C1orf87: variants seen among roughly 807,000 people sequenced by gnomAD.
C1orf87 encodes the protein chromosome 1 open reading frame 87, also known as uncharacterized protein C1orf87.
Under a neutral mutation model 60.5 loss-of-function variants are expected in C1orf87, and 58 were observed. That is an observed-to-expected ratio of 0.96 (90% CI 0.78 to 1.19). C1orf87 has a LOEUF of 1.19. Ranked by LOEUF, C1orf87 falls within the 50% of genes most tolerant of loss-of-function variation. C1orf87 has a pLI of 0.00. For synonymous variants in C1orf87, 236 were observed against 227.4 expected, an observed-to-expected ratio of 1.04 and a Z score of -0.34; for missense variants, 673 against 638.6, an observed-to-expected ratio of 1.05 and a Z score of -0.58.
At chr1:60,023,986 T>A (rs866295591) in intron 8 of C1orf87, among the ~76,000 whole-genome samples, 3 of 152,232 alleles carry the variant, frequency 2.0e-5, no homozygotes, top group South Asian at 2.1e-4. Context: ...GGATCTTTTT[T>A]AATCTTCCTT....
At chr1:60,014,916 T>A (rs532363533) in intron 8 of C1orf87, among the ~76,000 whole-genome samples, 2 of 152,200 alleles carry the variant, frequency 1.3e-5, no homozygotes, top group Non-Finnish European at 2.9e-5. Flanking sequence ...AAGAGTTAGC[T>A]CTGTTCAGAC....
intron 3 of C1orf87, among the ~76,000 whole-genome samples, chr1:60,044,885 A>G (rs758465874): frequency 5.3e-5 from 8 of 152,336 alleles, no homozygotes; most frequent in African/African-American, 1.2e-4. Context: ...AGTGACTTCA[A>G]TCAATCCTAG....
chr1:60,036,115 T>C, intron 6 of C1orf87, among the ~76,000 whole-genome samples: 1 of 152,180 alleles, frequency 6.6e-6, no homozygotes, highest in East Asian at 1.9e-4. Flanking sequence ...AGTAAGACAG[T>C]TGCTCCCAGA....
intron 7 of C1orf87, among the ~76,000 whole-genome samples, chr1:60,028,484 G>A (rs957040049): frequency 6.6e-6 from 1 of 152,076 alleles, no homozygotes; most frequent in South Asian, 2.1e-4. Context: ...TATTCATAAT[G>A]ATGACCCTTG....
chr1:60,010,891 TAAATAAATAAATAAATAAATAA>T (rs1645079261), intron 8 of C1orf87: 1 of 144,784 alleles, frequency 6.9e-6, no homozygotes, highest in African/African-American at 2.5e-5. Flanking sequence ...AATAAATAAA[TAAATAAATAAATAAATAAATAA>T]AAACTGTCTC....
chr1:60,029,264 T>C (rs1343829316), intron 7 of C1orf87, among the ~76,000 whole-genome samples: 1 of 152,222 alleles, frequency 6.6e-6, no homozygotes, highest in East Asian at 1.9e-4. Context: ...CCATCCCTCC[T>C]GTTACTGCCT....
In C1orf87 at chr1:60,040,270, A is replaced by G. The variant is rs1645312693; in HGVS notation, c.484-90T>C. 5 of 1,490,304 alleles carry G rather than the reference A, an allele frequency of 3.4e-6. No individual in the cohort carries two copies. The South Asian group carries it at 4.0e-5, about 12-fold the overall frequency. 92.3% of individuals were successfully genotyped at this position (1,490,304 alleles called of 1,614,324 possible). A position where few individuals can be genotyped will look rare whatever the true frequency, so the allele number is the denominator to read the frequency against. On this transcript the variant is annotated intron_variant, in intron 4 of 11. Transcript: ENST00000371201. ...GAAGCAGAGGCACACTGGGGCTGGT[A>G]TCTGAGTGTCCACTCGCAGTCCTGG...
At position 60,039,929 on chromosome 1, in the gene C1orf87, A is replaced by G. The variant is rs1346612746; in HGVS notation, c.735T>C (p.Gly245=). 1.2e-6 allele frequency: 2 copies of G among 1,613,542 alleles called. No individual in the cohort carries two copies. Among genetic ancestry groups the G allele is most frequent in the South Asian group, 1.1e-5 (1 of 90,914 alleles). The change falls in exon 5 of 12, where the codon GGT becomes GGC. Residue 245 remains glycine, a synonymous_variant. Transcript: ENST00000371201. ...KILCQRFSKR[G]SPEMVNYEKL... ...ACAATTGCCATACCATTTCAGGAGA[A>G]CCCCTCTTAGAAAATCTCTGACAAA...
intron 5 of C1orf87, among the ~76,000 whole-genome samples, chr1:60,039,297 A>AT (rs1445588559): frequency 6.6e-6 from 1 of 152,040 alleles, no homozygotes; most frequent in Non-Finnish European, 1.5e-5. Flanking sequence ...ATTTCAGGGT[A>AT]TTTTCCTCTG....
intron 9 of C1orf87, among the ~76,000 whole-genome samples, chr1:60,008,406 G>A (rs1020057118): frequency 6.6e-6 from 1 of 151,906 alleles, no homozygotes; most frequent in African/African-American, 2.4e-5. Context: ...TATTCCATAT[G>A]CTATGGTCTT....
intron 7 of C1orf87, among the ~76,000 whole-genome samples, chr1:60,032,175 C>T (rs534540692): frequency 3.3e-4 from 51 of 152,290 alleles, no homozygotes; most frequent in African/African-American, 1.2e-3. Flanking sequence ...CAATTCCAAC[C>T]TCTGTATACC....
intron 8 of C1orf87, among the ~76,000 whole-genome samples, chr1:60,011,259 G>GCA (rs2100257948): frequency 6.6e-6 from 1 of 152,088 alleles, no homozygotes; most frequent in Admixed American, 6.6e-5. Context: ...TGCTTGCCCA[G>GCA]CATCCACCTT....
At chr1:59,997,517 C>A (rs1326708878) in intron 11 of C1orf87, 92 bp downstream of exon 11, 8 of 1,128,964 alleles carry the variant, frequency 7.1e-6, no homozygotes, top group East Asian at 2.4e-5. Flanking sequence ...TTAATTGTAT[C>A]ATTTGTTCAA....
intron 3 of C1orf87, among the ~76,000 whole-genome samples, chr1:60,046,121 C>T (rs1645366187): frequency 6.8e-6 from 1 of 146,708 alleles, no homozygotes. Context: ...TCCTCTTTTC[C>T]TTACATCTTT....
rs139412338 is a variant in C1orf87 at position 59,990,728 on chromosome 1, C to T, written c.1586G>A (p.Arg529His). 45 of 1,614,030 alleles carry T rather than the reference C, an allele frequency of 2.8e-5. No individual in the cohort carries two copies. The highest frequency in any genetic ancestry group is 1.3e-4 in the African/African-American group (10 of 75,026). ...CTCCAAGAGCATATTTTCTCCCGAA[C>T]GGAATCTGCGCAAGGCCTGGTCGAT... ...QKIDQALRRF[R>H]SGENMLLEPA... Residue 529 changes from arginine to histidine, a missense_variant, in exon 12 of 12, where the codon CGT (arginine) becomes CAT (histidine). Coordinates refer to ENST00000371201, the MANE Select transcript of C1orf87 (RefSeq NM_152377.3).
At chr1:60,040,347 A>T (rs1441276468) in intron 4 of C1orf87, among the ~76,000 whole-genome samples, 167 bp from the exon 5 acceptor site, 1 of 152,226 alleles carries the variant, frequency 6.6e-6, no homozygotes, top group East Asian at 1.9e-4. Context: ...AATCTGGTGT[A>T]TTCATTATTT....
At chr1:60,059,576 T>TAGCA (rs1645480999) in intron 2 of C1orf87, among the ~76,000 whole-genome samples, 1 of 152,168 alleles carries the variant, frequency 6.6e-6, no homozygotes, top group Non-Finnish European at 1.5e-5. Context: ...AGGCGTCTAG[T>TAGCA]AGCATCCTCT....
intron 3 of C1orf87, among the ~76,000 whole-genome samples, chr1:60,045,751 C>T (rs545244665): frequency 6.6e-6 from 1 of 152,228 alleles, no homozygotes; most frequent in East Asian, 1.9e-4. Flanking sequence ...TTATTGAGAC[C>T]CACGCCAGAC....
Position 60,030,368 on chromosome 1 carries a change from C to A in C1orf87, c.1029+3108G>T, listed in dbSNP as rs540642643. 2.2e-3 allele frequency among the ~76,000 whole-genome samples: 339 copies of A among 152,290 alleles called. 1 individual carries two copies. The highest frequency in any genetic ancestry group is 7.7e-3 in the African/African-American group (320 of 41,568). On this transcript the variant is annotated intron_variant, in intron 7 of 11. Coordinates refer to ENST00000371201, the MANE Select transcript of C1orf87 (RefSeq NM_152377.3). ...CACTAAATATGAAAACAGAACCTGA[C>A]AAACTACAGAAGGAGGTCTTACAGT...
Sources: gnomAD v4.1 joint callset for allele counts (sites outside exome capture counted in the v4.1 genomes callset) on GRCh38, gnomAD v4.1.1 for gene constraint, MANE v1.5 for transcripts, NCBI Gene and HGNC (gene_info 2026-07-23, HGNC 2026-07-21) for gene names.